Variants in POLR1D observed in about 807,000 individuals in gnomAD.
POLR1D encodes DNA-directed RNA polymerases I and III subunit RPAC2.
In POLR1D, 8 loss-of-function variants were observed where a neutral mutation model predicts 10.8. The observed-to-expected ratio is 0.74, with a 90% CI of 0.43 to 1.33. The LOEUF (loss-of-function observed/expected upper bound fraction) is 1.33, where lower values mean the gene tolerates loss of function less well. POLR1D is among the 40% of genes most tolerant of loss of function. POLR1D has a pLI of 0.01. For synonymous variants in POLR1D, 54 were observed against 57.2 expected, an observed-to-expected ratio of 0.94 and a Z score of 0.25; for missense variants, 152 against 161.7, an observed-to-expected ratio of 0.94 and a Z score of 0.32.
At chr13:27,635,696 C>CTATATA (rs3081355) in intron 1 of POLR1D, among the ~76,000 whole-genome samples, 3,378 of 140,398 alleles carry the variant, frequency 0.024, 40 homozygotes, top group Middle Eastern at 0.038. Flanking sequence ...TACAAAGTAA[C>CTATATA]TATATATATA....
At chr13:27,625,486 A>G (rs1293352158), downstream of POLR1D, among the ~76,000 whole-genome samples, 1 of 152,176 alleles carries the variant, frequency 6.6e-6, no homozygotes, top group African/African-American at 2.4e-5. Flanking sequence ...CCAATTACTG[A>G]AATTGGGAAG....
At chr13:27,652,226 G>C (rs976183056) in intron 2 of POLR1D, among the ~76,000 whole-genome samples, 1 of 152,308 alleles carries the variant, frequency 6.6e-6, no homozygotes, top group Admixed American at 6.5e-5. Flanking sequence ...TTTCTTGCCA[G>C]CTCTCCAGAT....
chr13:27,621,750 G>T (rs971977799), upstream of POLR1D: 2 of 349,344 alleles, frequency 5.7e-6, no homozygotes, highest in South Asian at 2.4e-4. Flanking sequence ...CAGGTGAGCC[G>T]CGGGGCCGCG....
downstream of POLR1D, among the ~76,000 whole-genome samples, chr13:27,627,174 A>G (rs113261637): frequency 4.7e-3 from 711 of 152,272 alleles, 6 homozygotes; most frequent in African/African-American, 0.016. Flanking sequence ...GCTTTCAAGT[A>G]CTTATTAAGA....
At chr13:27,622,748 C>T (rs1593275130) in intron 1 of POLR1D, 127 bp from the exon 2 acceptor site, 2 of 652,590 alleles carry the variant, frequency 3.1e-6, no homozygotes, top group Non-Finnish European at 5.4e-6. Context: ...AAATGAGAGG[C>T]GAATAATTCT....
chr13:27,657,821 G>A (rs1209513715), intron 2 of POLR1D, among the ~76,000 whole-genome samples: 1 of 152,150 alleles, frequency 6.6e-6, no homozygotes, highest in East Asian at 1.9e-4. Context: ...TGCTCTGGAA[G>A]CAGGAATCTC....
downstream of POLR1D, among the ~76,000 whole-genome samples, chr13:27,625,870 G>T (rs1181449633): frequency 6.6e-6 from 1 of 152,102 alleles, no homozygotes; most frequent in Admixed American, 6.5e-5. Context: ...TTAACGTGGA[G>T]GTCACTAGGC....
intron 1 of POLR1D, among the ~76,000 whole-genome samples, chr13:27,643,783 A>G (rs1956196135): frequency 6.6e-6 from 1 of 152,188 alleles, no homozygotes; most frequent in African/African-American, 2.4e-5. Context: ...TGCCTTCAGC[A>G]CTGATAATGT....
intron 2 of POLR1D, among the ~76,000 whole-genome samples, chr13:27,659,748 T>C (rs1246722281): frequency 6.6e-6 from 1 of 152,158 alleles, no homozygotes; most frequent in Non-Finnish European, 1.5e-5. Flanking sequence ...CCTTGCAAAC[T>C]GTCTCAGTGT....
chr13:27,637,612 G>A (rs523152), intron 1 of POLR1D, among the ~76,000 whole-genome samples: 127,521 of 152,024 alleles, frequency 0.84, 53,913 homozygotes, highest in East Asian at 0.93. Context: ...ATATAAATAT[G>A]GAATTTTCCC....
chr13:27,655,038 A>C (rs1956296517), intron 2 of POLR1D, among the ~76,000 whole-genome samples: 1 of 152,230 alleles, frequency 6.6e-6, no homozygotes, highest in South Asian at 2.1e-4. Context: ...GGTGCCAGCA[A>C]GCAAATACAG....
At chr13:27,646,732 T>C (rs1956223962) in intron 1 of POLR1D, among the ~76,000 whole-genome samples, 1 of 152,190 alleles carries the variant, frequency 6.6e-6, no homozygotes. Flanking sequence ...TTTGAAAGCA[T>C]AGTATTAGGA....
chr13:27,664,820 A>G (rs1461176258), intron 2 of POLR1D: 1 of 152,248 alleles, frequency 6.6e-6, no homozygotes, highest in Non-Finnish European at 1.5e-5. Context: ...AGCCACCCTG[A>G]ATAACATGAT....
At position 27,621,943 on chromosome 13, in the gene POLR1D, A is replaced by G; in HGVS notation, c.-41A>G. On this transcript the variant is annotated 5_prime_UTR_variant, in exon 1 of 2. Coordinates refer to ENST00000302979, the MANE Select transcript of POLR1D (RefSeq NM_015972.4). ...CTCGCGCTATGGGACAGAGCCCCCG[A>G]TCCGCCAGCACCACCTGAGGATCCA... 1.3e-6 allele frequency: 2 copies of G among 1,577,870 alleles called. No individual in the cohort carries two copies. Among genetic ancestry groups the G allele is most frequent in the Non-Finnish European group, 1.7e-6 (2 of 1,161,192 alleles).
upstream of POLR1D, chr13:27,621,885 G>A: frequency 1.5e-6 from 2 of 1,296,672 alleles, no homozygotes; most frequent in East Asian, 2.5e-5. Context: ...GCCTTCCGTC[G>A]GTCGGTCCTT....
chr13:27,666,318 A>G (rs934963844), exon 3 of POLR1D: 21 of 198,692 alleles, frequency 1.1e-4, no homozygotes, highest in Admixed American at 2.1e-4. Context: ...TAAAATACTT[A>G]TAAATCCTAT....
chr13:27,645,187 C>G (rs1956207839), intron 1 of POLR1D, among the ~76,000 whole-genome samples: 1 of 152,356 alleles, frequency 6.6e-6, no homozygotes, highest in African/African-American at 2.4e-5. Flanking sequence ...TTCATTCCTT[C>G]CGCCTCTCCA....
In POLR1D at chr13:27,646,688, A is replaced by G. The variant is rs560979855; in HGVS notation, c.27-1691A>G. 3.9e-5 allele frequency among the ~76,000 whole-genome samples: 6 copies of G among 152,336 alleles called. No individual in the cohort carries two copies. In the South Asian group the frequency reaches 1.0e-3, roughly 26 times the overall value. ...AAATGAGTTACACAAAAATAAGCAG[A>G]TGTATTTTTGAAGATTAAGAGGTGG... is the stretch of plus-strand genomic sequence containing the variant. On this transcript the variant is annotated intron_variant, in intron 1 of 2. Coordinates refer to the POLR1D transcript ENST00000399697.
chr13:27,661,289 A>C (rs2138572993), intron 2 of POLR1D, among the ~76,000 whole-genome samples: 1 of 152,374 alleles, frequency 6.6e-6, no homozygotes, highest in Non-Finnish European at 1.5e-5. Flanking sequence ...TTTCCAAAGC[A>C]GATTTAACCA....
Sources: allele counts gnomAD v4.1 joint callset (sites outside exome capture counted in the v4.1 genomes callset), GRCh38; gene constraint gnomAD v4.1.1; transcripts MANE v1.5; gene names NCBI Gene and HGNC (gene_info 2026-07-23, HGNC 2026-07-21).